Variants in CSMD1 observed in about 807,000 individuals in gnomAD.
CSMD1 encodes CUB and sushi domain-containing protein 1.
Under a neutral mutation model 417.5 loss-of-function variants are expected in CSMD1, and 213 were observed. That is an observed-to-expected ratio of 0.51 (90% confidence interval 0.46 to 0.57). The LOEUF (loss-of-function observed/expected upper bound fraction) is 0.57. Among genes scored for constraint, CSMD1 ranks in the 20% least tolerant of loss-of-function variants. CSMD1 has a pLI of 0.00. For missense variants in CSMD1, 6,923 were observed against 4,529.7 expected (o/e 1.53, Z -15.17); for synonymous variants, 2,862 against 1,736.8 (o/e 1.65, Z -16.11).
intron 1 of CSMD1, among the ~76,000 whole-genome samples, chr8:4,981,861 A>ATCTCCCT (rs1810907369): frequency 6.6e-6 from 1 of 151,982 alleles, no homozygotes; most frequent in Non-Finnish European, 1.5e-5. Context: ...GAATTGTAGC[A>ATCTCCCT]CTCAACTGTG....
intron 41 of CSMD1, among the ~76,000 whole-genome samples, chr8:3,123,980 C>G (rs921866076): frequency 1.3e-5 from 2 of 152,152 alleles, no homozygotes; most frequent in African/African-American, 4.8e-5. Flanking sequence ...CGCCCTTCTG[C>G]TCATGAAAAT....
At chr8:3,502,103 C>T (rs1050615811) in intron 10 of CSMD1, among the ~76,000 whole-genome samples, 2 of 152,138 alleles carry the variant, frequency 1.3e-5, no homozygotes, top group Admixed American at 6.5e-5. Flanking sequence ...AACGTATGTC[C>T]ACACAAATCC....
intron 3 of CSMD1, among the ~76,000 whole-genome samples, chr8:4,215,968 T>C (rs1287941764): frequency 6.6e-6 from 1 of 152,202 alleles, no homozygotes; most frequent in Non-Finnish European, 1.5e-5. Context: ...GGCATTTTTA[T>C]CCAGACTTAA....
In CSMD1 at chr8:4,742,000, CTTTTTTTTTTTTTTTTTTTTTTTTT is replaced by C. The variant is rs71209120; in HGVS notation, c.86-104467_86-104443del. 4.7e-4 allele frequency among the ~76,000 whole-genome samples: 35 copies of C among 73,808 alleles called. 2 individuals carry two copies. The highest frequency in any genetic ancestry group is 1.2e-3 in the South Asian group (2 of 1,702). The allele number at this position is 73,808 out of a possible 152,430, so 48.4% of individuals were successfully genotyped here. ...AGGTCCGCACGCACCACCACACCCACTTTTTTTTTTTTTTTTTTTTTTTTTTTTTTTTTTTTTTTTTTTTTTTTGA... is the reference window on the plus strand; with the variant it reads ...AGGTCCGCACGCACCACCACACCCACTTTTTTTTTTTTTTTTTTTTTTTGA... On this transcript the variant is annotated intron_variant, in intron 1 of 69. Transcript: ENST00000635120.
At chr8:4,606,948 C>G (rs879518576) in intron 2 of CSMD1, among the ~76,000 whole-genome samples, 8 of 152,172 alleles carry the variant, frequency 5.3e-5, no homozygotes, top group Non-Finnish European at 8.8e-5. Flanking sequence ...TATAATTCAT[C>G]CTTTTCTTTT....
intron 1 of CSMD1, among the ~76,000 whole-genome samples, chr8:4,816,343 C>G (rs941670717): frequency 6.6e-6 from 1 of 152,020 alleles, no homozygotes; most frequent in African/African-American, 2.4e-5. Context: ...CATCACCACA[C>G]CTGGGTAATT....
intron 3 of CSMD1, among the ~76,000 whole-genome samples, chr8:4,169,518 C>T (rs936846234): frequency 6.6e-6 from 1 of 152,170 alleles, no homozygotes; most frequent in Non-Finnish European, 1.5e-5. Context: ...CATTTTCTCT[C>T]CTCCAGATGA....
At chr8:4,711,495 G>C (rs1808293256) in intron 1 of CSMD1, among the ~76,000 whole-genome samples, 1 of 151,786 alleles carries the variant, frequency 6.6e-6, no homozygotes, top group Admixed American at 6.6e-5. Flanking sequence ...TTTATTTTCA[G>C]AGAAAGTATT....
chr8:3,258,899 C>T (rs970152786), intron 26 of CSMD1, among the ~76,000 whole-genome samples: 8 of 152,144 alleles, frequency 5.3e-5, no homozygotes, highest in African/African-American at 1.9e-4. Flanking sequence ...GATGAGAACA[C>T]ATGGACACAT....
intron 2 of CSMD1, among the ~76,000 whole-genome samples, chr8:4,556,656 G>C (rs999226659): frequency 6.6e-6 from 1 of 152,148 alleles, no homozygotes; most frequent in Non-Finnish European, 1.5e-5. Context: ...GATAGTGATA[G>C]TGCAATGCAA....
rs567481808 is a variant in CSMD1, at chr8:4,267,332, A to T, written c.415+152621T>A. Among the ~76,000 whole-genome samples the T allele has an allele frequency of 1.9e-5, 2 of 103,736 alleles. 1 individual carries two copies. The highest frequency in any genetic ancestry group is 5.2e-5 in the African/African-American group (2 of 38,350). The allele number at this position is 103,736 out of a possible 152,430, so 68.1% of individuals were successfully genotyped here. A position where few individuals can be genotyped will look rare whatever the true frequency, so the allele number is the denominator to read the frequency against. Reference sequence around the variant, plus strand: ...TATAATTTAAAAATTATAAAATAGCAATTAGGATGAAAAAGTAACAATAAG... The same window carrying T: ...TATAATTTAAAAATTATAAAATAGCTATTAGGATGAAAAAGTAACAATAAG... On this transcript the variant is annotated intron_variant, in intron 3 of 69. Coordinates refer to ENST00000635120, the MANE Select transcript of CSMD1 (RefSeq NM_033225.6).
chr8:3,241,418 C>T (rs1046932451), intron 26 of CSMD1, among the ~76,000 whole-genome samples: 1 of 152,088 alleles, frequency 6.6e-6, no homozygotes, highest in African/African-American at 2.4e-5. Context: ...GTGAGAGTTA[C>T]CTAAAGCTCG....
At chr8:4,208,900 C>A (rs941980515) in intron 3 of CSMD1, among the ~76,000 whole-genome samples, 5 of 152,008 alleles carry the variant, frequency 3.3e-5, no homozygotes, top group African/African-American at 9.7e-5. Flanking sequence ...TCTTAAATTT[C>A]TTTTTATATA....
intron 5 of CSMD1, among the ~76,000 whole-genome samples, chr8:3,940,485 A>C (rs372718098): frequency 1.4e-5 from 2 of 145,402 alleles, no homozygotes; most frequent in African/African-American, 5.1e-5. Context: ...AGTAAAATTT[A>C]AATTATTTCC....
intron 3 of CSMD1, among the ~76,000 whole-genome samples, chr8:4,352,251 A>G (rs1175855409): frequency 1.3e-5 from 2 of 152,214 alleles, no homozygotes; most frequent in East Asian, 3.8e-4. Flanking sequence ...AAGGTTCTAA[A>G]TGGAAATGAA....
chr8:3,534,197 T>A (rs1370071992), intron 10 of CSMD1, among the ~76,000 whole-genome samples: 2 of 152,212 alleles, frequency 1.3e-5, no homozygotes, highest in East Asian at 3.9e-4. Flanking sequence ...ACTTACTCAC[T>A]CCTGCAATGC....
intron 21 of CSMD1, among the ~76,000 whole-genome samples, chr8:3,349,229 A>G (rs1160369631): frequency 6.6e-6 from 1 of 152,210 alleles, no homozygotes. Flanking sequence ...AAGGTACTGC[A>G]GAATTTTGCA....
At chr8:3,160,164 C>G (rs1325190427) in intron 38 of CSMD1, among the ~76,000 whole-genome samples, 1 of 152,096 alleles carries the variant, frequency 6.6e-6, no homozygotes, top group Non-Finnish European at 1.5e-5. Context: ...TGCTCTGTCA[C>G]CTAGGCTGGA....
intron 23 of CSMD1, among the ~76,000 whole-genome samples, chr8:3,329,036 A>C (rs558393347): frequency 6.6e-6 from 1 of 152,114 alleles, no homozygotes; most frequent in Non-Finnish European, 1.5e-5. Flanking sequence ...AATTTACCTA[A>C]ATATGGAGGC....
Sources: allele counts gnomAD v4.1 joint callset (sites outside exome capture counted in the v4.1 genomes callset), GRCh38; gene constraint gnomAD v4.1.1; transcripts MANE v1.5; gene names NCBI Gene and HGNC (gene_info 2026-07-23, HGNC 2026-07-21).